The following KLF7 variants were observed in gnomAD, a reference collection of about 807,000 sequenced individuals.
KLF7 encodes Krueppel-like factor 7.
A neutral mutation model predicts 27.3 loss-of-function variants in KLF7; 2 were observed. The observed-to-expected ratio is 0.07, with a 90% CI of 0.03 to 0.23. The LOEUF (loss-of-function observed/expected upper bound fraction) is 0.23. Ranked by LOEUF, KLF7 falls within the 10% of genes least tolerant of loss-of-function variation. The pLI is 1.00. For synonymous variants in KLF7, 165 were observed against 162.4 expected (o/e 1.02, Z -0.12); for missense variants, 221 against 394.1 (o/e 0.56, Z 3.72).
At chr2:207,114,218 A>G (rs1045717667) in intron 2 of KLF7, among the ~76,000 whole-genome samples, 3 of 152,210 alleles carry the variant, frequency 2.0e-5, no homozygotes, top group Non-Finnish European at 4.4e-5. Context: ...CTTATTACCT[A>G]TATCAAGGAA....
intron 2 of KLF7, among the ~76,000 whole-genome samples, chr2:207,106,136 T>C (rs1574462093): frequency 1.3e-5 from 2 of 152,236 alleles, no homozygotes; most frequent in African/African-American, 4.8e-5. Flanking sequence ...ACATTACATT[T>C]CTATTGGAAA....
chr2:207,133,346 T>C (rs1485189155), intron 1 of KLF7, among the ~76,000 whole-genome samples: 1 of 152,164 alleles, frequency 6.6e-6, no homozygotes, highest in African/African-American at 2.4e-5. Flanking sequence ...TGCAAAGGGC[T>C]GGATCTGCAC....
rs549925524 is a variant in KLF7, at chr2:207,087,159, G to C, written c.857+1299C>G. Among the ~76,000 whole-genome samples the C allele has an allele frequency of 7.9e-5, 12 of 152,314 alleles. No individual in the cohort carries two copies. In the South Asian group the frequency reaches 2.3e-3, roughly 29 times the overall value. On this transcript the variant is annotated intron_variant, in intron 3 of 3. Transcript: ENST00000309446. The stretch of plus-strand genomic sequence containing the variant: ...TAATAACTTGTATTCTTGGGTAGCA[G>C]AACAGAGTTCCAAGGGAATGGGAGA...
Position 207,138,986 on chromosome 2 carries a change from G to A in KLF7, c.103-14582C>T, listed in dbSNP as rs554207067. Reference sequence around the variant, plus strand: ...TTTTGGAAAAGAAAATGAAAATGGCGCCTACACTATCAGGATTTGCTAACA... The same window carrying A: ...TTTTGGAAAAGAAAATGAAAATGGCACCTACACTATCAGGATTTGCTAACA... On this transcript the variant is annotated intron_variant, in intron 1 of 3. Transcript: ENST00000309446. 4.6e-5 allele frequency among the ~76,000 whole-genome samples: 7 copies of A among 152,264 alleles called. No individual in the cohort carries two copies. In the East Asian group the frequency reaches 9.6e-4, roughly 21 times the overall value.
chr2:207,123,120 A>T (rs2077383583), intron 2 of KLF7, among the ~76,000 whole-genome samples: 2 of 151,968 alleles, frequency 1.3e-5, no homozygotes, highest in Admixed American at 1.3e-4. Context: ...CACAATCCCC[A>T]TCCCTCCCCC....
At chr2:207,109,058 G>A (rs1166198105) in intron 2 of KLF7, among the ~76,000 whole-genome samples, 1 of 152,174 alleles carries the variant, frequency 6.6e-6, no homozygotes, top group Non-Finnish European at 1.5e-5. Context: ...GGGGTTCAGA[G>A]AAAAGTTTCT....
At chr2:207,150,984 CTGT>C (rs1198539663) in intron 1 of KLF7, among the ~76,000 whole-genome samples, 3 of 110,112 alleles carry the variant, frequency 2.7e-5, no homozygotes, top group Non-Finnish European at 5.3e-5. Context: ...AGTGTAAGAC[CTGT>C]TCTCTTTATT....
At position 207,142,079 on chromosome 2, in the gene KLF7, C is replaced by T. The variant is rs373618604; in HGVS notation, c.103-17675G>A. Among the ~76,000 whole-genome samples, 9 of 152,166 alleles carry T rather than the reference C, an allele frequency of 5.9e-5. No individual in the cohort carries two copies. The East Asian group carries it at 1.8e-3, about 30-fold the overall frequency. On this transcript the variant is annotated intron_variant, in intron 1 of 3. Transcript: ENST00000309446. ...AATGTCAAGCAGGAAGAGGCAAGAG[C>T]TCTGACAAATCCAATGAGCCTTGAG...
At chr2:207,170,865 ATGT>A (rs1165246905), upstream of KLF7, among the ~76,000 whole-genome samples, 2 of 152,034 alleles carry the variant, frequency 1.3e-5, no homozygotes, top group Admixed American at 1.3e-4. Context: ...GGAGTTGTAC[ATGT>A]TGTTGTCATG....
At position 207,155,005 on chromosome 2, in the gene KLF7, C is replaced by T. The variant is rs10197683; in HGVS notation, c.102+10462G>A. Among the ~76,000 whole-genome samples, 490 of 152,292 alleles carry T rather than the reference C, an allele frequency of 3.2e-3. 1 individual carries two copies. Among genetic ancestry groups the T allele is most frequent in the African/African-American group, 0.012 (480 of 41,572 alleles). ...CAGGTCACGACCTTTGGCTTCTGCC[C>T]TAATGTCCCCTACCTAAAGAGCAGT... On this transcript the variant is annotated intron_variant, in intron 1 of 3. Transcript: ENST00000309446.
chr2:207,118,385 T>C (rs527329335), intron 2 of KLF7, among the ~76,000 whole-genome samples: 3 of 152,268 alleles, frequency 2.0e-5, no homozygotes, highest in Non-Finnish European at 2.9e-5. Flanking sequence ...CTCAGTCACC[T>C]GATGAGGCAA....
intron 2 of KLF7, among the ~76,000 whole-genome samples, chr2:207,090,509 C>T (rs1032539803): frequency 2.0e-5 from 3 of 152,154 alleles, no homozygotes; most frequent in African/African-American, 7.2e-5. Context: ...TTTGTTCAGC[C>T]TTGCATGCAG....
intron 2 of KLF7, among the ~76,000 whole-genome samples, chr2:207,094,369 T>A (rs1026010266): frequency 1.3e-5 from 2 of 152,232 alleles, no homozygotes; most frequent in African/African-American, 4.8e-5. Context: ...TTTATTTTTT[T>A]AATGTGGTTC....
chr2:207,145,183 C>T (rs188721125), intron 1 of KLF7, among the ~76,000 whole-genome samples: 4 of 152,244 alleles, frequency 2.6e-5, no homozygotes, highest in Non-Finnish European at 4.4e-5. Flanking sequence ...TGTGCAGTAA[C>T]GTATCATTAA....
Position 207,079,775 on chromosome 2 carries a change from G to A in KLF7, c.*1438C>T, listed in dbSNP as rs143418466. 2.6e-5 allele frequency: 4 copies of A among 152,094 alleles called. No individual in the cohort carries two copies. Among genetic ancestry groups the A allele is most frequent in the Non-Finnish European group, 4.4e-5 (3 of 67,992 alleles). The allele number at this position is 152,094 out of a possible 1,614,324, so 9.4% of individuals were successfully genotyped here. ...CAAAAAAAAAAGGAAAGAAAGAAAC[G>A]TGTCTCTCCTTTTAGACAGCCCATG... On this transcript the variant is annotated 3_prime_UTR_variant, in exon 4 of 4. Transcript: ENST00000309446.
chr2:207,140,374 T>A (rs2106056804), intron 1 of KLF7, among the ~76,000 whole-genome samples: 2 of 152,330 alleles, frequency 1.3e-5, no homozygotes, highest in African/African-American at 4.8e-5. Flanking sequence ...AAATACAAAT[T>A]GGACTAAATA....
At chr2:207,126,368 C>T (rs1381036568) in intron 1 of KLF7, among the ~76,000 whole-genome samples, 1 of 152,172 alleles carries the variant, frequency 6.6e-6, no homozygotes, top group Admixed American at 6.5e-5. Context: ...TGGCACCTAA[C>T]AGGTACATAA....
intron 2 of KLF7, among the ~76,000 whole-genome samples, chr2:207,102,392 G>A (rs2076788587): frequency 6.6e-6 from 1 of 152,064 alleles, no homozygotes; most frequent in Non-Finnish European, 1.5e-5. Context: ...ACTTTGGAAG[G>A]GGGAAAAAGA....
intron 2 of KLF7, among the ~76,000 whole-genome samples, chr2:207,117,764 A>G (rs1415971024): frequency 6.6e-6 from 1 of 152,190 alleles, no homozygotes; most frequent in African/African-American, 2.4e-5. Flanking sequence ...TCACATTGAC[A>G]TCATTTAAAA....
Sources: allele counts gnomAD v4.1 joint callset (sites outside exome capture counted in the v4.1 genomes callset), GRCh38; gene constraint gnomAD v4.1.1; transcripts MANE v1.5; gene names NCBI Gene and HGNC (gene_info 2026-07-23, HGNC 2026-07-21).